The following MIB1 variants were observed in gnomAD, a reference collection of about 807,000 sequenced individuals.
The protein encoded by MIB1 is MIB E3 ubiquitin protein ligase 1.
Under a neutral mutation model 124.5 loss-of-function variants are expected in MIB1, and 278 were observed. The observed-to-expected ratio is 2.23, with a 90% CI of 2.02 to 2.47. The LOEUF is 2.47. Among genes scored for constraint, MIB1 ranks in the 30% most tolerant of loss-of-function variants. MIB1 has a pLI of 0.00. For missense variants in MIB1, 957 were observed against 1,254.4 expected (o/e 0.76, Z 3.58); for synonymous variants, 446 against 429.4 (o/e 1.04, Z -0.48).
chr18:21,857,007 A>AT (rs1364503709), intron 18 of MIB1, 123 bp from the exon 19 acceptor site: 1 of 671,456 alleles, frequency 1.5e-6, no homozygotes, highest in Non-Finnish European at 2.7e-6. Context: ...AGAATTGCAT[A>AT]TTGCTATAAC....
chr18:21,747,656 A>G (rs888640089), intron 1 of MIB1, among the ~76,000 whole-genome samples: 3 of 152,206 alleles, frequency 2.0e-5, no homozygotes, highest in African/African-American at 7.2e-5. Flanking sequence ...GGAGCATGTA[A>G]CACCTTTCTA....
chr18:21,765,992 A>C, intron 2 of MIB1, 49 bp downstream of exon 2: 1 of 1,560,726 alleles, frequency 6.4e-7, no homozygotes, highest in Non-Finnish European at 8.8e-7. Context: ...GTTTGTATTC[A>C]AGTTATGTAC....
chr18:21,710,045 A>C (rs2040658794), intron 1 of MIB1, among the ~76,000 whole-genome samples: 1 of 152,246 alleles, frequency 6.6e-6, no homozygotes, highest in East Asian at 1.9e-4. Context: ...AAAGAAAATG[A>C]AATCATTGCT....
At chr18:21,711,778 C>T (rs943619055) in intron 1 of MIB1, among the ~76,000 whole-genome samples, 1 of 152,150 alleles carries the variant, frequency 6.6e-6, no homozygotes, top group Non-Finnish European at 1.5e-5. Flanking sequence ...ACTGCAGCCT[C>T]GACCTCCCAG....
chr18:21,840,473 T>C (rs920896502), intron 13 of MIB1, among the ~76,000 whole-genome samples: 13 of 151,868 alleles, frequency 8.6e-5, no homozygotes, highest in African/African-American at 3.1e-4. Context: ...AAATGAGTTA[T>C]AGACCTGAAT....
intron 12 of MIB1, among the ~76,000 whole-genome samples, chr18:21,820,388 A>G (rs1396655835): frequency 6.6e-6 from 1 of 152,158 alleles, no homozygotes; most frequent in South Asian, 2.1e-4. Context: ...TGATAATTTT[A>G]TCTATTCTGA....
At position 21,748,147 on chromosome 18, in the gene MIB1, T is replaced by C. The variant is rs146275520; in HGVS notation, c.229+6335T>C. On this transcript the variant is annotated intron_variant, in intron 1 of 20. Coordinates refer to ENST00000261537, the MANE Select transcript of MIB1 (RefSeq NM_020774.4). ...GATAGTAGGGATGAATGCCAGTTGA[T>C]TGCTTTTCCTCAGTATCATTCTCTT... Among the ~76,000 whole-genome samples the C allele has an allele frequency of 7.0e-4, 107 of 152,300 alleles. 1 individual carries two copies. The highest frequency in any genetic ancestry group is 2.5e-3 in the African/African-American group (103 of 41,552).
chr18:21,758,749 G>C (rs2041063378), intron 1 of MIB1, among the ~76,000 whole-genome samples: 1 of 152,088 alleles, frequency 6.6e-6, no homozygotes, highest in South Asian at 2.1e-4. Flanking sequence ...TGGCCAGACT[G>C]GTCTTGAACG....
chr18:21,730,566 T>TA (rs2040764380), intron 1 of MIB1, among the ~76,000 whole-genome samples: 2 of 148,330 alleles, frequency 1.3e-5, no homozygotes, highest in South Asian at 2.1e-4. Flanking sequence ...AGACTCTGTC[T>TA]AAAAAAAACC....
intron 1 of MIB1, among the ~76,000 whole-genome samples, chr18:21,724,958 G>A (rs1201337330): frequency 6.7e-6 from 1 of 148,448 alleles, no homozygotes; most frequent in Non-Finnish European, 1.5e-5. Context: ...AGCTGGGCAT[G>A]GTTGCGGGCG....
chr18:21,827,337 T>C lies in MIB1; in HGVS notation c.1829+7691T>C, dbSNP rs1188178152. On this transcript the variant is annotated intron_variant, in intron 12 of 20. Transcript: ENST00000261537. ...ATATAATTTTACTTTTAAAAATGAA[T>C]AGCCTGTCATTTTATTTTCTAAGGA... is the stretch of plus-strand genomic sequence containing the variant. 12 of 152,084 alleles carry C rather than the reference T, an allele frequency of 7.9e-5. No individual in the cohort carries two copies. The East Asian group carries it at 2.3e-3, about 29-fold the overall frequency. 9.4% of individuals were successfully genotyped at this position (152,084 alleles called of 1,614,324 possible). A position where few individuals can be genotyped will look rare whatever the true frequency, so the allele number is the denominator to read the frequency against.
chr18:21,759,225 A>ATG (rs1295035622), intron 1 of MIB1, among the ~76,000 whole-genome samples: 5 of 149,148 alleles, frequency 3.4e-5, no homozygotes, highest in Middle Eastern at 3.5e-3. Context: ...GTGTATATAT[A>ATG]TGTGTATATA....
chr18:21,842,563 C>T (rs956865624), intron 13 of MIB1, among the ~76,000 whole-genome samples: 14 of 152,140 alleles, frequency 9.2e-5, no homozygotes, highest in Non-Finnish European at 1.8e-4. Flanking sequence ...TGTTCTCATA[C>T]GGTTCTTCAG....
At chr18:21,787,457 C>T (rs1485621824) in intron 6 of MIB1, among the ~76,000 whole-genome samples, 1 of 152,098 alleles carries the variant, frequency 6.6e-6, no homozygotes, top group African/African-American at 2.4e-5. Context: ...ATTTTTCTTC[C>T]TGCAGGTACT....
intron 10 of MIB1, among the ~76,000 whole-genome samples, chr18:21,814,377 CT>C (rs35174195): frequency 1.7e-3 from 232 of 136,822 alleles, no homozygotes; most frequent in East Asian, 2.3e-3. Context: ...GTTTGGCATT[CT>C]TTTTTTTTTT....
At chr18:21,743,236 C>T (rs1168964568) in intron 1 of MIB1, among the ~76,000 whole-genome samples, 7 of 152,204 alleles carry the variant, frequency 4.6e-5, no homozygotes, top group Non-Finnish European at 1.0e-4. Context: ...TGTGACTATA[C>T]TATAAATCTA....
chr18:21,801,056 T>C (rs1419199856), intron 9 of MIB1, among the ~76,000 whole-genome samples: 1 of 152,178 alleles, frequency 6.6e-6, no homozygotes, highest in Non-Finnish European at 1.5e-5. Context: ...AATACAGTTC[T>C]ATAAGATTTG....
intron 11 of MIB1, among the ~76,000 whole-genome samples, 153 bp from the exon 12 acceptor site, chr18:21,819,342 G>C (rs1251000776): frequency 1.3e-5 from 2 of 152,278 alleles, no homozygotes; most frequent in East Asian, 3.9e-4. Flanking sequence ...CCCAGCCTTT[G>C]CCTATATTTT....
chr18:21,790,401 A>T (rs954209907), intron 6 of MIB1, among the ~76,000 whole-genome samples: 1 of 152,234 alleles, frequency 6.6e-6, no homozygotes, highest in Non-Finnish European at 1.5e-5. Context: ...TATCCAAGTG[A>T]TGGAATACTC....
Sources: gnomAD v4.1 joint callset for allele counts (sites outside exome capture counted in the v4.1 genomes callset) on GRCh38, gnomAD v4.1.1 for gene constraint, MANE v1.5 for transcripts, NCBI Gene and HGNC (gene_info 2026-07-23, HGNC 2026-07-21) for gene names.